The following ANKS1B variants were observed in gnomAD, a reference collection of about 807,000 sequenced individuals.
The protein encoded by ANKS1B is ankyrin repeat and sterile alpha motif domain containing 1B, also known as ankyrin repeat and sterile alpha motif domain-containing protein 1B.
In ANKS1B, 36 loss-of-function variants were observed where a neutral mutation model predicts 148.3. The ratio of observed to expected loss-of-function variants is 0.24; its 90% CI spans 0.19 to 0.32. The LOEUF is 0.32. ANKS1B is among the 10% of genes least tolerant of loss of function. The pLI, the probability that ANKS1B is intolerant of heterozygous loss-of-function variation, is 1.00. For synonymous variants in ANKS1B, 542 were observed against 560.8 expected (o/e 0.97, Z 0.47); for missense variants, 1,157 against 1,542.6 (o/e 0.75, Z 4.19).
chr12:99,976,844 AG>A, intron 1 of ANKS1B, among the ~76,000 whole-genome samples: 1 of 152,332 alleles, frequency 6.6e-6, no homozygotes, highest in South Asian at 2.1e-4. Flanking sequence ...AGAGTACCTG[AG>A]ACTGGGTAGT....
intron 14 of ANKS1B, among the ~76,000 whole-genome samples, chr12:99,243,937 G>T (rs2089833784): frequency 6.6e-6 from 1 of 152,114 alleles, no homozygotes; most frequent in Non-Finnish European, 1.5e-5. Context: ...GTTGATGGGT[G>T]CAGCAAACCA....
chr12:98,983,937 C>T lies in ANKS1B; in HGVS notation c.2778+69220G>A, dbSNP rs369138352. Among the ~76,000 whole-genome samples, 155 of 152,326 alleles carry T rather than the reference C, an allele frequency of 1.0e-3. 3 individuals carry two copies. The South Asian group carries it at 0.03, about 30-fold the overall frequency. Reference sequence around the variant, plus strand: ...TGAATAGTTTTATCTCCCTGCTTCTCGCAGTAGAATTTGAGCAGATGTAAG... The same window carrying T: ...TGAATAGTTTTATCTCCCTGCTTCTTGCAGTAGAATTTGAGCAGATGTAAG... On this transcript the variant is annotated intron_variant, in intron 17 of 26. Coordinates refer to ENST00000683438, the MANE Select transcript of ANKS1B (RefSeq NM_001352186.2).
chr12:99,319,314 T>C (rs566690578), intron 12 of ANKS1B, among the ~76,000 whole-genome samples: 4 of 152,190 alleles, frequency 2.6e-5, no homozygotes, highest in Non-Finnish European at 5.9e-5. Context: ...TAAGTCTCTT[T>C]GTAGGTCTCT....
At chr12:99,427,116 C>T (rs760122678) in intron 11 of ANKS1B, among the ~76,000 whole-genome samples, 4 of 152,222 alleles carry the variant, frequency 2.6e-5, no homozygotes, top group South Asian at 2.1e-4. Context: ...AGCTACAAAA[C>T]GTCCTAATTG....
chr12:99,743,959 A>G (rs1301801657), intron 8 of ANKS1B, among the ~76,000 whole-genome samples: 1 of 152,214 alleles, frequency 6.6e-6, no homozygotes, highest in Non-Finnish European at 1.5e-5. Flanking sequence ...AGAAAAATTA[A>G]TGCCTAAAGC....
chr12:99,852,784 C>A (rs756791219), intron 1 of ANKS1B, among the ~76,000 whole-genome samples: 1 of 152,224 alleles, frequency 6.6e-6, no homozygotes, highest in Non-Finnish European at 1.5e-5. Context: ...TAAGTCTACT[C>A]GCTTTCTCAG....
chr12:99,042,996 C>T (rs1320126401), intron 17 of ANKS1B, among the ~76,000 whole-genome samples: 2 of 152,158 alleles, frequency 1.3e-5, no homozygotes, highest in Non-Finnish European at 2.9e-5. Flanking sequence ...ATATAGATAC[C>T]CACTTTCATA....
chr12:99,886,694 C>A (rs1191362960), intron 1 of ANKS1B, among the ~76,000 whole-genome samples: 1 of 152,096 alleles, frequency 6.6e-6, no homozygotes, highest in African/African-American at 2.4e-5. Flanking sequence ...CTAATTGAAC[C>A]TGACAAAAAT....
chr12:99,170,506 C>A (rs2077636137), intron 14 of ANKS1B, among the ~76,000 whole-genome samples: 1 of 152,166 alleles, frequency 6.6e-6, no homozygotes, highest in African/African-American at 2.4e-5. Flanking sequence ...GTGAAAAAAG[C>A]ACTGTAACTT....
At chr12:98,979,269 T>C (rs1486389435) in intron 17 of ANKS1B, among the ~76,000 whole-genome samples, 1 of 151,752 alleles carries the variant, frequency 6.6e-6, no homozygotes, top group Non-Finnish European at 1.5e-5. Flanking sequence ...TATTTTTTAA[T>C]TAATTAATTT....
At chr12:99,935,671 C>T (rs769195393) in intron 1 of ANKS1B, among the ~76,000 whole-genome samples, 1 of 152,122 alleles carries the variant, frequency 6.6e-6, no homozygotes, top group East Asian at 1.9e-4. Context: ...TCAATAAGCC[C>T]TCTAATGCTC....
chr12:99,264,653 C>G (rs2076264042), intron 12 of ANKS1B, among the ~76,000 whole-genome samples: 1 of 152,046 alleles, frequency 6.6e-6, no homozygotes, highest in Non-Finnish European at 1.5e-5. Flanking sequence ...TCAAAACGAG[C>G]CTTCTCTTTT....
exon 10 of ANKS1B, chr12:98,735,503 C>G (rs1229237961): frequency 3.0e-6 from 2 of 656,548 alleles, no homozygotes; most frequent in Non-Finnish European, 5.9e-6. Flanking sequence ...AGGATTCAAG[C>G]TAAATACATC....
intron 11 of ANKS1B, among the ~76,000 whole-genome samples, chr12:99,403,457 C>T (rs527472689): frequency 7.2e-6 from 1 of 138,348 alleles, no homozygotes; most frequent in South Asian, 2.2e-4. Flanking sequence ...ATACCCAGCC[C>T]CCAATGCCCA....
At chr12:99,979,002 TAATTA>T (rs753542707) in intron 1 of ANKS1B, among the ~76,000 whole-genome samples, 15 of 152,156 alleles carry the variant, frequency 9.9e-5, no homozygotes, top group Non-Finnish European at 2.1e-4. Context: ...AGCAAAAAAT[TAATTA>T]AATATACATT....
In ANKS1B at chr12:99,779,852, A is replaced by G. The variant is rs772810615; in HGVS notation, c.847+19T>C. 3.8e-6 allele frequency: 6 copies of G among 1,568,906 alleles called. No individual in the cohort carries two copies. The highest frequency in any genetic ancestry group is 4.4e-6 in the Non-Finnish European group (5 of 1,139,838). ...TCTTAACTTTAAGGCAAACTCATCC[A>G]TCATTCAATACTGTTTACCTTGTAA... On this transcript the variant is annotated intron_variant, in intron 6 of 26. Coordinates refer to ENST00000683438, the MANE Select transcript of ANKS1B (RefSeq NM_001352186.2).
At chr12:99,403,485 AT>A (rs534043840) in intron 11 of ANKS1B, among the ~76,000 whole-genome samples, 2 of 84,002 alleles carry the variant, frequency 2.4e-5, no homozygotes, top group Non-Finnish European at 4.9e-5. Flanking sequence ...ATGGGGGTTG[AT>A]TTTTTTTTCT....
At chr12:99,191,464 G>C (rs1424676236) in intron 14 of ANKS1B, among the ~76,000 whole-genome samples, 1 of 152,216 alleles carries the variant, frequency 6.6e-6, no homozygotes, top group East Asian at 1.9e-4. Flanking sequence ...ATCAATGATA[G>C]ACTGGATAAA....
intron 14 of ANKS1B, among the ~76,000 whole-genome samples, chr12:99,212,471 C>T (rs1377575894): frequency 6.6e-6 from 1 of 152,094 alleles, no homozygotes; most frequent in African/African-American, 2.4e-5. Context: ...AAGTATTTCC[C>T]TCCCCTGAAC....
Sources: allele counts gnomAD v4.1 joint callset (sites outside exome capture counted in the v4.1 genomes callset), GRCh38; gene constraint gnomAD v4.1.1; transcripts MANE v1.5; gene names NCBI Gene and HGNC (gene_info 2026-07-23, HGNC 2026-07-21).